GLCE: variants seen among roughly 807,000 people sequenced by gnomAD.
GLCE encodes the protein D-glucuronyl C5-epimerase.
GLCE carries 19 observed loss-of-function variants against 47.9 expected under a neutral mutation model. The observed-to-expected ratio is 0.40, with a 90% CI of 0.28 to 0.58. The LOEUF is 0.58. Among genes scored for constraint, GLCE ranks in the 20% least tolerant of loss-of-function variants. The pLI, the probability that GLCE is intolerant of heterozygous loss-of-function variation, is 0.48. For synonymous variants in GLCE, 245 were observed against 263.4 expected (o/e 0.93, Z 0.68); for missense variants, 556 against 743.3 (o/e 0.75, Z 2.93).
At chr15:69,180,491 T>TTA (rs2051735042) in intron 1 of GLCE, among the ~76,000 whole-genome samples, 1 of 152,174 alleles carries the variant, frequency 6.6e-6, no homozygotes, top group Non-Finnish European at 1.5e-5. Context: ...GAGTTACACT[T>TTA]CTCTAAAGGA....
rs532644258 is a variant in GLCE, at chr15:69,209,962, A to G, written c.-104-354A>G. 2.0e-5 allele frequency among the ~76,000 whole-genome samples: 3 copies of G among 152,148 alleles called. No individual in the cohort carries two copies. In the South Asian group the frequency reaches 6.2e-4, roughly 32 times the overall value. On this transcript the variant is annotated intron_variant, in intron 1 of 4. Transcript: ENST00000261858. ...TGGGTGGCTGGGCTTGAGAGAGTGA[A>G]GAGAGAAAAAAACGGGGGGATTTGC...
intron 2 of GLCE, among the ~76,000 whole-genome samples, chr15:69,234,124 C>T (rs1259930175): frequency 2.6e-5 from 4 of 151,872 alleles, no homozygotes; most frequent in African/African-American, 4.8e-5. Context: ...AGTACAGGCA[C>T]ACGCCACTAC....
At chr15:69,183,035 G>C (rs936916258) in intron 1 of GLCE, among the ~76,000 whole-genome samples, 1 of 151,930 alleles carries the variant, frequency 6.6e-6, no homozygotes, top group African/African-American at 2.4e-5. Flanking sequence ...TTTTGGAAGG[G>C]TTGCATTTAT....
intron 4 of GLCE, chr15:69,266,879 A>G (rs34330876): frequency 0.51 from 80,561 of 157,540 alleles, 24,262 homozygotes; most frequent in Admixed American, 0.66. Context: ...ACATATCTTC[A>G]CCTCTAAAAT....
At chr15:69,220,671 C>T (rs2052366563) in intron 2 of GLCE, among the ~76,000 whole-genome samples, 1 of 151,698 alleles carries the variant, frequency 6.6e-6, no homozygotes, top group South Asian at 2.1e-4. Flanking sequence ...TCTATATATT[C>T]TGGATATTAA....
chr15:69,185,319 T>A (rs2051806245), intron 1 of GLCE, among the ~76,000 whole-genome samples: 1 of 152,222 alleles, frequency 6.6e-6, no homozygotes, highest in Non-Finnish European at 1.5e-5. Flanking sequence ...TACCTCCTTA[T>A]AACCAATAGT....
chr15:69,212,980 A>T (rs376849804), intron 2 of GLCE, among the ~76,000 whole-genome samples: 80 of 152,220 alleles, frequency 5.3e-4, no homozygotes, highest in African/African-American at 1.0e-3. Context: ...AAATAAATTT[A>T]AAAAAATCAA....
chr15:69,259,391 C>CT (rs1420087805), intron 3 of GLCE, among the ~76,000 whole-genome samples: 3 of 152,018 alleles, frequency 2.0e-5, no homozygotes, highest in African/African-American at 4.8e-5. Flanking sequence ...TGTACCTCTT[C>CT]TTTTTATGCT....
chr15:69,251,462 G>A (rs895821332), intron 2 of GLCE, among the ~76,000 whole-genome samples: 5 of 152,104 alleles, frequency 3.3e-5, no homozygotes, highest in Non-Finnish European at 7.3e-5. Flanking sequence ...ACGTATACCT[G>A]CATTTAACAC....
chr15:69,270,500 G>T lies in GLCE; in HGVS notation c.*1256G>T, dbSNP rs560349479. On this transcript the variant is annotated 3_prime_UTR_variant, in exon 5 of 5. Coordinates refer to ENST00000261858, the MANE Select transcript of GLCE (RefSeq NM_015554.3). ...AGGGCTTCAGGCATTAAATAAAACC[G>T]AGGGTTGTTGATTTTGCTGTGACAG... 1.3e-5 allele frequency: 2 copies of T among 151,990 alleles called. No individual in the cohort carries two copies. The highest frequency in any genetic ancestry group is 2.9e-5 in the Non-Finnish European group (2 of 68,008). 9.4% of individuals were successfully genotyped at this position (151,990 alleles called of 1,614,324 possible).
Position 69,175,780 on chromosome 15 carries a change from C to A in GLCE, c.-105+15023C>A, listed in dbSNP as rs528564359. ...CTTCTTCACTGAAGCTAATGACTTT[C>A]TGTTATGTGATAGGCTTTCACTGCT... On this transcript the variant is annotated intron_variant, in intron 1 of 4. Coordinates refer to ENST00000261858, the MANE Select transcript of GLCE (RefSeq NM_015554.3). Among the ~76,000 whole-genome samples, 104 of 152,300 alleles carry A rather than the reference C, an allele frequency of 6.8e-4. 1 individual carries two copies. Among genetic ancestry groups the A allele is most frequent in the African/African-American group, 2.4e-3 (100 of 41,576 alleles).
intron 2 of GLCE, among the ~76,000 whole-genome samples, chr15:69,243,821 A>T (rs935889224): frequency 2.2e-4 from 29 of 132,536 alleles, no homozygotes; most frequent in South Asian, 7.0e-4. Flanking sequence ...AATTTTTTTA[A>T]AAAAAAAGAC....
At chr15:69,204,077 A>G (rs1330593726) in intron 1 of GLCE, among the ~76,000 whole-genome samples, 2 of 152,068 alleles carry the variant, frequency 1.3e-5, no homozygotes, top group African/African-American at 4.8e-5. Context: ...TTGTGACCAC[A>G]TGCATGTATA....
chr15:69,195,599 T>C (rs959607854), intron 1 of GLCE, among the ~76,000 whole-genome samples: 9 of 152,152 alleles, frequency 5.9e-5, no homozygotes, highest in Admixed American at 2.6e-4. Context: ...TTAAAATCAG[T>C]CGTGTTGCTC....
chr15:69,223,386 T>A (rs148343709), intron 2 of GLCE, among the ~76,000 whole-genome samples: 189 of 152,302 alleles, frequency 1.2e-3, no homozygotes, highest in African/African-American at 4.3e-3. Context: ...TTCTAGCACA[T>A]TGAATATGTC....
chr15:69,224,494 G>A (rs900508495), intron 2 of GLCE, among the ~76,000 whole-genome samples: 2 of 152,180 alleles, frequency 1.3e-5, no homozygotes, highest in African/African-American at 4.8e-5. Flanking sequence ...TTCCCTGGAA[G>A]TCATTTCAGG....
chr15:69,228,146 C>T (rs1006208684), intron 2 of GLCE, among the ~76,000 whole-genome samples: 1 of 152,162 alleles, frequency 6.6e-6, no homozygotes, highest in African/African-American at 2.4e-5. Context: ...TGTCTGATAA[C>T]ATTTTTATTT....
At chr15:69,219,956 A>G (rs1473210908) in intron 2 of GLCE, among the ~76,000 whole-genome samples, 1 of 152,152 alleles carries the variant, frequency 6.6e-6, no homozygotes, top group Non-Finnish European at 1.5e-5. Context: ...TACCTCATAC[A>G]AATGGAATTA....
intron 4 of GLCE, among the ~76,000 whole-genome samples, chr15:69,265,144 C>A (rs1015691778): frequency 1.3e-5 from 2 of 151,998 alleles, no homozygotes; most frequent in Non-Finnish European, 2.9e-5. Flanking sequence ...TGTTGATCAT[C>A]CTTTATTGCC....
Sources: gnomAD v4.1 joint callset for allele counts (sites outside exome capture counted in the v4.1 genomes callset) on GRCh38, gnomAD v4.1.1 for gene constraint, MANE v1.5 for transcripts, NCBI Gene and HGNC (gene_info 2026-07-23, HGNC 2026-07-21) for gene names.